CASP5: variants seen among roughly 807,000 people sequenced by gnomAD.
CASP5 encodes caspase-5.
Under a neutral mutation model 45.2 loss-of-function variants are expected in CASP5, and 42 were observed. The ratio of observed to expected loss-of-function variants is 0.93; its 90% CI spans 0.73 to 1.20. The LOEUF (loss-of-function observed/expected upper bound fraction) is 1.20. CASP5 is among the 50% of genes most tolerant of loss of function. The pLI, the probability that CASP5 is intolerant of heterozygous loss-of-function variation, is 0.00. For synonymous variants in CASP5, 209 were observed against 186.2 expected, an observed-to-expected ratio of 1.12 and a Z score of -1.00; for missense variants, 512 against 532.2, an observed-to-expected ratio of 0.96 and a Z score of 0.37.
At position 105,008,879 on chromosome 11, in the gene CASP5, T is replaced by C; in HGVS notation, c.109A>G (p.Asn37Asp). The C allele has an allele frequency of 6.2e-7, 1 of 1,613,258 alleles. No homozygotes were observed. Among genetic ancestry groups the C allele is most frequent in the South Asian group, 1.1e-5 (1 of 91,068 alleles). The change falls in exon 2 of 10, where the codon AAC becomes GAC. Residue 37 changes from asparagine to aspartate, a missense_variant. Physicochemically the swap from Asn to Asp is conservative, Grantham distance 23 (BLOSUM62 1). Coordinates refer to ENST00000260315, the MANE Select transcript of CASP5 (RefSeq NM_004347.5). ...DNFVINHMLK[N>D]NVAGQTSIQT... ...ATAGATGTTTGTCCAGCCACGTTGT[T>C]CTTTAGCATGTGGTTTATCACGAAG... is the stretch of plus-strand genomic sequence containing the variant.
rs1861671671 is a variant in CASP5 at position 105,000,442 on chromosome 11, A to G, written c.771T>C (p.Ser257=). ...ACATGAGTACCAAGAACGTGCTGTC[A>G]GAGGACTTGTGCTCTGGTCTGGCAG... ...AFAARPEHKS[S]DSTFLVLMSH... is the part of the protein sequence containing the mutation. Residue 257 remains serine, a synonymous_variant, in exon 6 of 10, where the codon TCT becomes TCC. Transcript: ENST00000260315. 7.4e-6 allele frequency: 12 copies of G among 1,614,202 alleles called. No homozygotes were observed. Among genetic ancestry groups the G allele is most frequent in the East Asian group, 4.5e-5 (2 of 44,884 alleles).
chr11:105,000,969 A>G (rs930935558), intron 5 of CASP5, among the ~76,000 whole-genome samples: 1 of 152,108 alleles, frequency 6.6e-6, no homozygotes, highest in African/African-American at 2.4e-5. Context: ...CACATGTGCC[A>G]GTTTCATTTT....
intron 3 of CASP5, among the ~76,000 whole-genome samples, chr11:105,004,654 C>T (rs1445713226): frequency 1.3e-5 from 2 of 151,868 alleles, no homozygotes; most frequent in East Asian, 3.9e-4. Context: ...ATATATCAAT[C>T]ATTTGTTTCT....
chr11:104,995,655 G>A (rs1861429093), intron 9 of CASP5, 85 bp downstream of exon 9: 3 of 790,040 alleles, frequency 3.8e-6, no homozygotes, highest in Non-Finnish European at 6.5e-6. Context: ...GACCATATAA[G>A]CAGTCAGCTG....
chr11:105,018,252 C>T (rs369013245), intron 1 of CASP5, among the ~76,000 whole-genome samples: 30 of 150,020 alleles, frequency 2.0e-4, no homozygotes, highest in South Asian at 2.2e-4. Flanking sequence ...CATCAACTAA[C>T]GAGCAAAATA....
At chr11:105,015,330 C>T (rs943252719) in intron 1 of CASP5, among the ~76,000 whole-genome samples, 4 of 152,030 alleles carry the variant, frequency 2.6e-5, no homozygotes, top group Non-Finnish European at 5.9e-5. Flanking sequence ...CAAGAGATAC[C>T]GATCACACAG....
intron 7 of CASP5, 27 bp downstream of exon 7, chr11:104,998,858 T>G: frequency 6.2e-7 from 1 of 1,605,398 alleles, no homozygotes; most frequent in Non-Finnish European, 8.5e-7. Context: ...ACCCCCAAAT[T>G]TTTGACTGTT....
intron 1 of CASP5, among the ~76,000 whole-genome samples, chr11:105,019,527 C>A (rs923359359): frequency 4.0e-5 from 6 of 151,384 alleles, no homozygotes; most frequent in African/African-American, 1.4e-4. Context: ...ACTACAAACA[C>A]CTCTACGCAA....
intron 3 of CASP5, 40 bp downstream of exon 3, chr11:105,007,043 G>C: frequency 6.4e-7 from 1 of 1,557,718 alleles, no homozygotes; most frequent in Non-Finnish European, 8.8e-7. Context: ...AATATATTCT[G>C]GAAAATTTAA....
intron 1 of CASP5, among the ~76,000 whole-genome samples, chr11:105,013,590 C>T (rs1862453495): frequency 1.3e-5 from 2 of 151,810 alleles, no homozygotes; most frequent in Non-Finnish European, 2.9e-5. Context: ...GGCTTGAGAG[C>T]CTCTTTTCAT....
chr11:105,009,814 C>CATAT (rs1207954162), intron 1 of CASP5, among the ~76,000 whole-genome samples: 1 of 92,206 alleles, frequency 1.1e-5, no homozygotes, highest in South Asian at 2.9e-4. Flanking sequence ...TATACACACA[C>CATAT]ATATATATAT....
chr11:105,009,747 A>ATATACACACACACACACG (rs1565387906), intron 1 of CASP5, among the ~76,000 whole-genome samples: 9 of 76,674 alleles, frequency 1.2e-4, no homozygotes, highest in African/African-American at 5.3e-4. Flanking sequence ...ATATATATAT[A>ATATACACACACACACACG]TATATATATA....
intron 9 of CASP5, 98 bp downstream of exon 9, chr11:104,995,642 C>A (rs1439703969): frequency 1.4e-6 from 1 of 720,938 alleles, no homozygotes; most frequent in Non-Finnish European, 2.4e-6. Context: ...AGAACACTAA[C>A]TTGACCATAT....
intron 1 of CASP5, among the ~76,000 whole-genome samples, chr11:105,015,755 A>C (rs1434901541): frequency 1.5e-5 from 2 of 134,512 alleles, no homozygotes; most frequent in Non-Finnish European, 3.0e-5. Flanking sequence ...AAATAGACAA[A>C]AAAAAAAAAA....
intron 8 of CASP5, among the ~76,000 whole-genome samples, chr11:104,997,087 T>C (rs1481902754): frequency 6.6e-6 from 1 of 152,206 alleles, no homozygotes; most frequent in Non-Finnish European, 1.5e-5. Flanking sequence ...TTTATTCATT[T>C]AGTAAATTAA....
At chr11:105,016,947 A>T (rs1862642614) in intron 1 of CASP5, among the ~76,000 whole-genome samples, 1 of 151,494 alleles carries the variant, frequency 6.6e-6, no homozygotes, top group Non-Finnish European at 1.5e-5. Flanking sequence ...CCCAGCACGC[A>T]GCTGGAGATC....
chr11:105,022,172 A>AG (rs1244051000), intron 1 of CASP5, among the ~76,000 whole-genome samples: 3 of 93,142 alleles, frequency 3.2e-5, no homozygotes, highest in Admixed American at 3.0e-4. Context: ...GGGTGGGGGG[A>AG]GGGGGGAGGG....
intron 1 of CASP5, among the ~76,000 whole-genome samples, chr11:105,011,489 G>A (rs548766497): frequency 6.6e-6 from 1 of 151,776 alleles, no homozygotes; most frequent in African/African-American, 2.4e-5. Context: ...ATCAAAATAG[G>A]AGAGGAAGAA....
chr11:104,995,794 T>G lies in CASP5; in HGVS notation c.1255A>C (p.Ile419Leu), dbSNP rs779767143. Residue 419 changes from isoleucine (I) to leucine (L), a missense_variant, in exon 9 of 10, where the codon ATA becomes CTA. Physicochemically the swap from Ile to Leu is conservative, Grantham distance 5 (BLOSUM62 2). Coordinates refer to ENST00000260315, the MANE Select transcript of CASP5 (RefSeq NM_004347.5). Reference sequence around the variant, plus strand: ...TCTCTTGTCAAGGTTGCTCGTTCTATGGTGGGCATCTGGGCTTTAGCCTGT... The same window carrying G: ...TCTCTTGTCAAGGTTGCTCGTTCTAGGGTGGGCATCTGGGCTTTAGCCTGT... ...VPQAKAQMPT[I>L]ERATLTRDFY... The G allele has an allele frequency of 1.2e-6, 2 of 1,612,926 alleles. No individual in the cohort carries two copies. Among genetic ancestry groups the G allele is most frequent in the South Asian group, 1.1e-5 (1 of 90,980 alleles).
Sources: allele counts gnomAD v4.1 joint callset (sites outside exome capture counted in the v4.1 genomes callset), GRCh38; gene constraint gnomAD v4.1.1; transcripts MANE v1.5; gene names NCBI Gene and HGNC (gene_info 2026-07-23, HGNC 2026-07-21).